The following CTNND2 variants were observed in gnomAD, a reference collection of about 807,000 sequenced individuals.
The protein encoded by CTNND2 is catenin delta 2.
CTNND2 carries 22 observed loss-of-function variants against 144.4 expected under a neutral mutation model. The observed-to-expected ratio is 0.15, with a 90% CI of 0.11 to 0.22. CTNND2 has a LOEUF of 0.22. Among genes scored for constraint, CTNND2 ranks in the 10% least tolerant of loss-of-function variants. The pLI is 1.00. For missense variants in CTNND2, 1,353 were observed against 1,618.8 expected, an observed-to-expected ratio of 0.84 and a Z score of 2.82; for synonymous variants, 751 against 695.6, an observed-to-expected ratio of 1.08 and a Z score of -1.25.
At chr5:11,807,106 T>C (rs559093809) in intron 1 of CTNND2, among the ~76,000 whole-genome samples, 3 of 152,300 alleles carry the variant, frequency 2.0e-5, no homozygotes, top group Admixed American at 6.5e-5. Context: ...ATTAAAATAA[T>C]ACATGCACAT....
intron 11 of CTNND2, among the ~76,000 whole-genome samples, chr5:11,188,189 C>A (rs1441479740): frequency 2.0e-5 from 3 of 152,120 alleles, no homozygotes; most frequent in Non-Finnish European, 4.4e-5. Flanking sequence ...ATAGCAAAGA[C>A]ATGAAATCAA....
chr5:11,106,076 T>A (rs533127209), intron 14 of CTNND2, among the ~76,000 whole-genome samples: 1 of 152,192 alleles, frequency 6.6e-6, no homozygotes, highest in Non-Finnish European at 1.5e-5. Flanking sequence ...AGCAGATGCA[T>A]GAAGTGATAA....
chr5:11,038,394 C>T (rs569186378), intron 16 of CTNND2, among the ~76,000 whole-genome samples: 15 of 152,302 alleles, frequency 9.8e-5, no homozygotes, highest in Non-Finnish European at 1.5e-4. Context: ...AGGTTGCACA[C>T]GCCTTATGAG....
intron 7 of CTNND2, among the ~76,000 whole-genome samples, chr5:11,380,508 A>G (rs921885712): frequency 5.9e-5 from 9 of 152,164 alleles, no homozygotes; most frequent in Non-Finnish European, 1.2e-4. Context: ...AGCCTTAAGG[A>G]GCTCCCCCAA....
At chr5:11,857,642 T>C (rs958813273) in intron 1 of CTNND2, among the ~76,000 whole-genome samples, 13 of 152,166 alleles carry the variant, frequency 8.5e-5, no homozygotes, top group African/African-American at 3.1e-4. Flanking sequence ...AGAGCTGATA[T>C]ATATTAAGTA....
At chr5:11,115,966 T>G (rs1049676909) in intron 13 of CTNND2, among the ~76,000 whole-genome samples, 5 of 152,250 alleles carry the variant, frequency 3.3e-5, no homozygotes, top group Non-Finnish European at 2.9e-5. Flanking sequence ...GTTCTTTATC[T>G]AACTTTGTAA....
intron 2 of CTNND2, among the ~76,000 whole-genome samples, chr5:11,632,260 G>A (rs1210247545): frequency 1.3e-5 from 2 of 152,070 alleles, no homozygotes; most frequent in Admixed American, 1.3e-4. Flanking sequence ...TATACCAGCA[G>A]GAAGATTCAT....
chr5:11,208,721 A>G (rs893902923), intron 10 of CTNND2, among the ~76,000 whole-genome samples: 4 of 152,176 alleles, frequency 2.6e-5, no homozygotes, highest in African/African-American at 9.7e-5. Context: ...GGATATTTAT[A>G]TACTACTGGG....
intron 12 of CTNND2, among the ~76,000 whole-genome samples, chr5:11,155,450 T>C (rs928989674): frequency 3.3e-5 from 5 of 152,226 alleles, no homozygotes; most frequent in Non-Finnish European, 7.3e-5. Flanking sequence ...AAAATGTTTT[T>C]TGTTAAAAAT....
At chr5:11,612,511 T>C (rs73055814) in intron 2 of CTNND2, among the ~76,000 whole-genome samples, 2,574 of 152,310 alleles carry the variant, frequency 0.017, 87 homozygotes, top group African/African-American at 0.059. Context: ...GTAAATTTGA[T>C]TGTGAAGTGA....
chr5:11,194,161 C>T (rs1263163540), intron 11 of CTNND2, among the ~76,000 whole-genome samples: 1 of 152,072 alleles, frequency 6.6e-6, no homozygotes, highest in Non-Finnish European at 1.5e-5. Context: ...GCCAGCATAG[C>T]CCAGGATACA....
intron 9 of CTNND2, among the ~76,000 whole-genome samples, chr5:11,318,727 C>T (rs867219410): frequency 3.3e-5 from 5 of 152,072 alleles, no homozygotes; most frequent in South Asian, 4.2e-4. Flanking sequence ...TTCCTTACAA[C>T]GATGCCCTCT....
In CTNND2 at chr5:11,171,221, A is replaced by T. The variant is rs190241111; in HGVS notation, c.1976-11462T>A. 7.9e-5 allele frequency among the ~76,000 whole-genome samples: 12 copies of T among 152,274 alleles called. 1 individual carries two copies. The East Asian group carries it at 2.3e-3, about 29-fold the overall frequency. On this transcript the variant is annotated intron_variant, in intron 11 of 21. Transcript: ENST00000304623. Reference sequence around the variant, plus strand: ...TAAATCCTGACCACAACCTTAGAAGAGGGGTACTGATCTGTGAAGGAAACC... The same window carrying T: ...TAAATCCTGACCACAACCTTAGAAGTGGGGTACTGATCTGTGAAGGAAACC...
At chr5:11,151,315 G>T (rs1174870586) in intron 12 of CTNND2, among the ~76,000 whole-genome samples, 1 of 152,198 alleles carries the variant, frequency 6.6e-6, no homozygotes, top group Non-Finnish European at 1.5e-5. Flanking sequence ...GCAATGTAAT[G>T]TAATTTGGGA....
intron 2 of CTNND2, among the ~76,000 whole-genome samples, chr5:11,633,775 CAA>C (rs71595827): frequency 0.045 from 6,104 of 136,408 alleles, 204 homozygotes; most frequent in East Asian, 0.14. Flanking sequence ...GGCACTGTCT[CAA>C]AAAAAAAAAA....
At chr5:11,351,990 C>G (rs760751729) in intron 8 of CTNND2, among the ~76,000 whole-genome samples, 1 of 152,120 alleles carries the variant, frequency 6.6e-6, no homozygotes, top group Non-Finnish European at 1.5e-5. Flanking sequence ...GGCATATATC[C>G]AAGAGTGTCA....
intron 1 of CTNND2, among the ~76,000 whole-genome samples, chr5:11,738,651 C>T (rs1467141776): frequency 6.6e-6 from 1 of 152,222 alleles, no homozygotes; most frequent in Non-Finnish European, 1.5e-5. Flanking sequence ...TGCATTGCAA[C>T]TGATGACTTA....
chr5:11,767,673 G>A lies in CTNND2; in HGVS notation c.38-35401C>T, dbSNP rs114544704. 4.0e-3 allele frequency among the ~76,000 whole-genome samples: 612 copies of A among 152,148 alleles called. 4 individuals are homozygous for A. Among genetic ancestry groups the A allele is most frequent in the African/African-American group, 0.014 (570 of 41,500 alleles). ...TGCCTATCAAGGCAGACTGGCATAC[G>A]GCACCATTCTGCTTGAGTCGATGCT... On this transcript the variant is annotated intron_variant, in intron 1 of 21. Coordinates refer to ENST00000304623, the MANE Select transcript of CTNND2 (RefSeq NM_001332.4).
chr5:11,722,478 C>A (rs1342233923), intron 2 of CTNND2, among the ~76,000 whole-genome samples: 30 of 152,198 alleles, frequency 2.0e-4, no homozygotes, highest in African/African-American at 2.4e-5. Context: ...ATATACAACA[C>A]TGTATAAGTC....
Sources: gnomAD v4.1 joint callset for allele counts (sites outside exome capture counted in the v4.1 genomes callset) on GRCh38, gnomAD v4.1.1 for gene constraint, MANE v1.5 for transcripts, NCBI Gene and HGNC (gene_info 2026-07-23, HGNC 2026-07-21) for gene names.